WDR41: variants seen among roughly 807,000 people sequenced by gnomAD.
WDR41 encodes the protein WD repeat domain 41, also known as WD repeat-containing protein 41.
Under a neutral mutation model 69.3 loss-of-function variants are expected in WDR41, and 63 were observed. The ratio of observed to expected loss-of-function variants is 0.91; its 90% confidence interval spans 0.74 to 1.12. The LOEUF is 1.12. WDR41 is among the 50% of genes most tolerant of loss of function. The pLI, the probability that WDR41 is intolerant of heterozygous loss-of-function variation, is 0.00. For synonymous variants in WDR41, 185 were observed against 192.1 expected (o/e 0.96, Z 0.31); for missense variants, 543 against 534.5 (o/e 1.02, Z -0.16).
intron 1 of WDR41, 58 bp from the exon 2 acceptor site, chr5:77,489,630 A>G: frequency 9.1e-7 from 1 of 1,098,194 alleles, no homozygotes; most frequent in Non-Finnish European, 1.3e-6. Context: ...AGATAAAATG[A>G]TTTGTAAGAC....
chr5:77,511,328 A>C (rs1258552760), intron 1 of WDR41, among the ~76,000 whole-genome samples: 1 of 152,210 alleles, frequency 6.6e-6, no homozygotes, highest in Admixed American at 6.5e-5. Flanking sequence ...AGGATTGTGC[A>C]TTCCTACTAA....
intron 1 of WDR41, among the ~76,000 whole-genome samples, chr5:77,519,350 T>C (rs1802339321): frequency 6.6e-6 from 1 of 151,974 alleles, no homozygotes; most frequent in Admixed American, 6.5e-5. Flanking sequence ...TTATACTGTA[T>C]GACTTTCTAA....
Position 77,440,986 on chromosome 5 carries a change from C to CAA in WDR41, c.707_708dup (p.Val237LeufsTer10). 1 of 1,613,258 alleles carries CAA rather than the reference C, an allele frequency of 6.2e-7. No homozygotes were observed. The highest frequency in any genetic ancestry group is 1.3e-5 in the African/African-American group (1 of 74,994). On this transcript the variant is annotated frameshift_variant, in exon 9 of 13. Coordinates refer to ENST00000296679, the MANE Select transcript of WDR41 (RefSeq NM_018268.4). LOFTEE classifies it high-confidence loss of function. ...AGCTCTCCGACGTGGGAGCCGGTGA[C>CAA]AAAACTCAAATCTAGGCAAAGTTCA...
intron 1 of WDR41, among the ~76,000 whole-genome samples, chr5:77,615,400 C>T (rs1744660302): frequency 6.6e-6 from 1 of 151,904 alleles, no homozygotes; most frequent in African/African-American, 2.4e-5. Flanking sequence ...TATACTACAA[C>T]AGATTTTTTA....
intron 8 of WDR41, among the ~76,000 whole-genome samples, chr5:77,442,894 C>CAAAAAAAAAAAAAAAAAAAAAAA (rs60442242): frequency 1.8e-5 from 1 of 56,262 alleles, no homozygotes; most frequent in African/African-American, 1.0e-4. Flanking sequence ...TCTGTCTCCC[C>CAAAAAAAAAAAAAAAAAAAAAAA]AAAAAAAAAA....
At chr5:77,476,440 T>A (rs1048720266) in intron 2 of WDR41, among the ~76,000 whole-genome samples, 16 of 152,062 alleles carry the variant, frequency 1.1e-4, no homozygotes, top group Non-Finnish European at 1.3e-4. Flanking sequence ...CGGGTTACCC[T>A]CAAAGGGAAG....
chr5:77,603,698 T>C (rs1303813169), intron 1 of WDR41, among the ~76,000 whole-genome samples: 1 of 152,246 alleles, frequency 6.6e-6, no homozygotes, highest in East Asian at 1.9e-4. Context: ...AGTAGTTTTA[T>C]AGTTTTAGGC....
intron 8 of WDR41, among the ~76,000 whole-genome samples, chr5:77,445,244 T>C (rs916538501): frequency 7.2e-5 from 11 of 152,174 alleles, no homozygotes; most frequent in Admixed American, 2.0e-4. Context: ...GTCGAATCCC[T>C]GAATAGACCA....
intron 1 of WDR41, among the ~76,000 whole-genome samples, chr5:77,558,748 T>C (rs968738970): frequency 2.0e-5 from 3 of 152,228 alleles, no homozygotes; most frequent in African/African-American, 7.2e-5. Context: ...CACTTTCTAA[T>C]CTTAGCATTG....
intron 1 of WDR41, among the ~76,000 whole-genome samples, chr5:77,555,207 T>A (rs116699851): frequency 1.1e-3 from 161 of 152,360 alleles, no homozygotes; most frequent in African/African-American, 3.7e-3. Flanking sequence ...ACTATGCTAT[T>A]ATTTTCAAAA....
At chr5:77,595,796 T>C (rs1233522438) in intron 1 of WDR41, among the ~76,000 whole-genome samples, 1 of 152,220 alleles carries the variant, frequency 6.6e-6, no homozygotes, top group Non-Finnish European at 1.5e-5. Context: ...TAGTAATTTT[T>C]TTTTCTCTTT....
chr5:77,463,752 T>C (rs1326115250), intron 3 of WDR41, among the ~76,000 whole-genome samples: 1 of 152,202 alleles, frequency 6.6e-6, no homozygotes, highest in African/African-American at 2.4e-5. Context: ...ACCCATCCAG[T>C]GTCTTCATCC....
At chr5:77,619,127 G>A (rs1039805034) in intron 1 of WDR41, among the ~76,000 whole-genome samples, 1 of 152,136 alleles carries the variant, frequency 6.6e-6, no homozygotes, top group African/African-American at 2.4e-5. Context: ...CATGGTCATT[G>A]TTTCACGGTG....
At chr5:77,443,665 GA>G (rs1799261668) in intron 8 of WDR41, among the ~76,000 whole-genome samples, 1 of 151,942 alleles carries the variant, frequency 6.6e-6, no homozygotes, top group Admixed American at 6.6e-5. Context: ...AACTACAAAA[GA>G]ACCAGAGAAG....
chr5:77,476,205 A>C (rs1472304744), intron 2 of WDR41, among the ~76,000 whole-genome samples: 5 of 152,308 alleles, frequency 3.3e-5, no homozygotes, highest in African/African-American at 1.2e-4. Context: ...GACTGGTGTA[A>C]CTGAAAGTGA....
chr5:77,610,640 G>A (rs1445344133), intron 1 of WDR41, among the ~76,000 whole-genome samples: 1 of 152,132 alleles, frequency 6.6e-6, no homozygotes, highest in Non-Finnish European at 1.5e-5. Context: ...TGCCCTAAAA[G>A]AGCTCCTGAA....
At chr5:77,460,429 A>G (rs1329674033) in intron 4 of WDR41, among the ~76,000 whole-genome samples, 1 of 152,208 alleles carries the variant, frequency 6.6e-6, no homozygotes, top group Non-Finnish European at 1.5e-5. Context: ...AGTATCTCAC[A>G]GCCTTTTCAC....
intron 2 of WDR41, among the ~76,000 whole-genome samples, chr5:77,486,665 G>A (rs184836184): frequency 6.6e-6 from 1 of 152,218 alleles, no homozygotes; most frequent in East Asian, 1.9e-4. Context: ...CCACATGGAG[G>A]GAGACCACAG....
At chr5:77,492,433 T>C, upstream of WDR41, 1 of 541,724 alleles carries the variant, frequency 1.8e-6, no homozygotes, top group Non-Finnish European at 3.0e-6. Flanking sequence ...AGGCTTAGTT[T>C]GGGCAGTCGC....
Sources: gnomAD v4.1 joint callset for allele counts (sites outside exome capture counted in the v4.1 genomes callset) on GRCh38, gnomAD v4.1.1 for gene constraint, MANE v1.5 for transcripts, NCBI Gene and HGNC (gene_info 2026-07-23, HGNC 2026-07-21) for gene names.